The following CDK9 variants were observed in gnomAD, a reference collection of about 807,000 sequenced individuals.
The protein encoded by CDK9 is cyclin dependent kinase 9.
In CDK9, 34 loss-of-function variants were observed where a neutral mutation model predicts 39.0. That is an observed-to-expected ratio of 0.87 (90% confidence interval 0.66 to 1.16). The LOEUF (loss-of-function observed/expected upper bound fraction) is 1.16, where lower values mean the gene tolerates loss of function less well. CDK9 is among the 50% of genes most tolerant of loss of function. The probability of loss-of-function intolerance (pLI) is 0.00; values close to 1 mark genes in which losing one functional copy is unlikely to be tolerated. For synonymous variants in CDK9, 233 were observed against 196.2 expected (o/e 1.19, Z -1.57); for missense variants, 369 against 503.2 (o/e 0.73, Z 2.55).
rs768949456 is a variant in CDK9, at chr9:127,789,303, C to T, written c.879C>T (p.Asp293=). 6.2e-7 allele frequency: 1 copy of T among 1,614,002 alleles called. No homozygotes were observed. Among genetic ancestry groups the T allele is most frequent in the South Asian group, 1.1e-5 (1 of 91,086 alleles). The change falls in exon 7 of 7, where the codon GAC becomes GAT. Residue 293 remains aspartate (D), a synonymous_variant. Transcript: ENST00000373264. This position sits in a 1 kb window ranked among gnomAD's most constrained non-coding sequence, Gnocchi z 5.2. ...ACCCATACGCACTGGACCTCATCGA[C>T]AAGCTGCTGGTGCTGGACCCTGCCC... is the stretch of plus-strand genomic sequence containing the variant. ...VRDPYALDLI[D]KLLVLDPAQR...
chr9:127,786,568 C>T, intron 1 of CDK9, 133 bp from the exon 2 acceptor site: 1 of 748,196 alleles, frequency 1.3e-6, no homozygotes, highest in South Asian at 1.8e-5. Flanking sequence ...GGCGGGGTAG[C>T]CGCGTGCCCT....
rs183267477 is a variant in CDK9 at position 127,786,954 on chromosome 9, G to A, written c.174+172G>A. 3.4e-3 allele frequency among the ~76,000 whole-genome samples: 517 copies of A among 152,294 alleles called. 3 individuals carry two copies. The highest frequency in any genetic ancestry group is 0.014 in the Middle Eastern group (4 of 294). On this transcript the variant is annotated intron_variant, in intron 2 of 6. Coordinates refer to ENST00000373264, the MANE Select transcript of CDK9 (RefSeq NM_001261.4). ...CTAAAACTAAATGTTTCATTCTTAG[G>A]CAGTTATGGGTGAGGCCAGGAGGGG...
At chr9:127,786,285 C>A in intron 1 of CDK9, 45 bp downstream of exon 1, 1 of 1,486,304 alleles carries the variant, frequency 6.7e-7, no homozygotes, top group South Asian at 1.2e-5. Context: ...GCCTGCACCC[C>A]TAGGGCCGAC....
In CDK9 at chr9:127,789,231, G is replaced by A; in HGVS notation, c.807G>A (p.Lys269=). 6.2e-7 allele frequency: 1 copy of A among 1,610,488 alleles called. No individual in the cohort carries two copies. The highest frequency in any genetic ancestry group is 8.5e-7 in the Non-Finnish European group (1 of 1,177,396). The change falls in exon 7 of 7, where the codon AAG becomes AAA. Residue 269 remains lysine, a synonymous_variant. Transcript: ENST00000373264. This position sits in a 1 kb window ranked among gnomAD's most constrained non-coding sequence, Gnocchi z 5.2. Reference sequence around the variant, plus strand: ...TGTACGAAAAGCTGGAGCTGGTCAAGGGCCAGAAGCGGAAGGTGAAGGACA... The same window carrying A: ...TGTACGAAAAGCTGGAGCTGGTCAAAGGCCAGAAGCGGAAGGTGAAGGACA... ...YELYEKLELV[K]GQKRKVKDRL...
chr9:127,787,132 A>G (rs1408995920), intron 2 of CDK9, among the ~76,000 whole-genome samples: 3 of 152,212 alleles, frequency 2.0e-5, no homozygotes, highest in African/African-American at 4.8e-5. Flanking sequence ...TAATGTATTT[A>G]AAAGGAGCGG....
Position 127,789,752 on chromosome 9 carries a change from T to G in CDK9, c.*209T>G, listed in dbSNP as rs527601379. ...CTGGAGCTGTCTTGTCCTTGCTGGT[T>G]TTCTGGATGGTTCCCAGAGGGTTTC... On this transcript the variant is annotated 3_prime_UTR_variant, in exon 7 of 7. Coordinates refer to ENST00000373264, the MANE Select transcript of CDK9 (RefSeq NM_001261.4). The surrounding 1 kb of genome is among the most constrained non-coding windows in gnomAD (Gnocchi z 5.2). The G allele has an allele frequency of 1.0e-4, 69 of 663,580 alleles. No homozygotes were observed. Among genetic ancestry groups the G allele is most frequent in the Non-Finnish European group, 1.5e-4 (61 of 402,582 alleles). The allele number at this position is 663,580 out of a possible 1,614,324, so 41.1% of individuals were successfully genotyped here. A position where few individuals can be genotyped will look rare whatever the true frequency, so the allele number is the denominator to read the frequency against.
At chr9:127,787,692 G>A (rs1233181057) in intron 3 of CDK9, 84 bp downstream of exon 3, 3 of 1,066,348 alleles carry the variant, frequency 2.8e-6, no homozygotes, top group East Asian at 2.4e-5. Flanking sequence ...CACCTAAACT[G>A]CCTCTTCTTA....
rs1337733475 is a variant in CDK9 at position 127,789,608 on chromosome 9, A to T, written c.*65A>T. On this transcript the variant is annotated 3_prime_UTR_variant, in exon 7 of 7. Coordinates refer to ENST00000373264, the MANE Select transcript of CDK9 (RefSeq NM_001261.4). This position sits in a 1 kb window ranked among gnomAD's most constrained non-coding sequence, Gnocchi z 5.2. ...TTCTGCTATGTGACTTGCATCGTGG[A>T]GACAGGGCATTTGAGTTTATATCTC... 1 of 1,559,298 alleles carries T rather than the reference A, an allele frequency of 6.4e-7. No homozygotes were observed. The highest frequency in any genetic ancestry group is 2.2e-5 in the East Asian group (1 of 44,508).
intron 2 of CDK9, among the ~76,000 whole-genome samples, chr9:127,787,271 T>A (rs1057323198): frequency 2.0e-5 from 3 of 150,774 alleles, no homozygotes; most frequent in Non-Finnish European, 2.9e-5. Flanking sequence ...AGCTGAAATT[T>A]GAAGACTGAA....
Position 127,788,647 on chromosome 9 carries a change from C to T in CDK9, c.708C>T (p.His236=). The change falls in exon 6 of 7, where the codon CAC becomes CAT. Residue 236 remains histidine (H), a synonymous_variant. Transcript: ENST00000373264. ...SPIMQGNTEQ[H]QLALISQLCG... ...TCATGCAGGGCAACACGGAGCAGCA[C>T]CAACTCGCCCTCATCAGTCAGCTCT... The T allele has an allele frequency of 6.2e-7, 1 of 1,611,912 alleles. No homozygotes were observed. Among genetic ancestry groups the T allele is most frequent in the Middle Eastern group, 1.7e-4 (1 of 6,048 alleles).
In CDK9 at chr9:127,789,911, C is replaced by T. The variant is rs577501513; in HGVS notation, c.*368C>T. 3.0e-5 allele frequency: 7 copies of T among 232,420 alleles called. No individual in the cohort carries two copies. The highest frequency in any genetic ancestry group is 9.2e-5 in the African/African-American group (4 of 43,712). The allele number at this position is 232,420 out of a possible 1,614,324, so 14.4% of individuals were successfully genotyped here. On this transcript the variant is annotated 3_prime_UTR_variant, in exon 7 of 7. Coordinates refer to ENST00000373264, the MANE Select transcript of CDK9 (RefSeq NM_001261.4). This position sits in a 1 kb window ranked among gnomAD's most constrained non-coding sequence, Gnocchi z 5.2. The stretch of plus-strand genomic sequence containing the variant: ...GAGAACCCTGCGTGGGGACAGGGCT[C>T]GCCTCAGGAATGGGCTGTTTTTGGC...
chr9:127,786,186 G>A lies in CDK9; in HGVS notation c.38G>A (p.Cys13Tyr). Reference protein sequence around the residue: ...KQYDSVECPFCDEVSKYEKLA... With the variant: ...KQYDSVECPFYDEVSKYEKLA... Reference sequence around the variant, plus strand: ...TACGACTCGGTGGAGTGCCCTTTTTGTGATGAAGTTTCCAAATACGAGAAG... The same window carrying A: ...TACGACTCGGTGGAGTGCCCTTTTTATGATGAAGTTTCCAAATACGAGAAG... Residue 13 changes from cysteine (C) to tyrosine (Y), a missense_variant, in exon 1 of 7, where the codon TGT becomes TAT. Transcript: ENST00000373264. 6.2e-7 allele frequency: 1 copy of A among 1,609,992 alleles called. No homozygotes were observed. The highest frequency in any genetic ancestry group is 2.2e-5 in the East Asian group (1 of 44,572).
In CDK9 at chr9:127,789,287, C is replaced by A; in HGVS notation, c.863C>A (p.Ala288Glu). Residue 288 changes from alanine to glutamate, a missense_variant, in exon 7 of 7, where the codon GCA becomes GAA. Ala to Glu is a moderately radical substitution (Grantham distance 107). Coordinates refer to ENST00000373264, the MANE Select transcript of CDK9 (RefSeq NM_001261.4). This position sits in a 1 kb window ranked among gnomAD's most constrained non-coding sequence, Gnocchi z 5.2. ...RLKAYVRDPY[A>E]LDLIDKLLVL... ...AAGGCCTATGTGCGTGACCCATACGCACTGGACCTCATCGACAAGCTGCTG... is the reference window on the plus strand; with the variant it reads ...AAGGCCTATGTGCGTGACCCATACGAACTGGACCTCATCGACAAGCTGCTG... 2.5e-6 allele frequency: 4 copies of A among 1,613,982 alleles called. No individual in the cohort carries two copies. Among genetic ancestry groups the A allele is most frequent in the Non-Finnish European group, 3.4e-6 (4 of 1,180,046 alleles).
chr9:127,786,295 C>T (rs1053054981), intron 1 of CDK9, 55 bp downstream of exon 1: 3 of 1,399,090 alleles, frequency 2.1e-6, no homozygotes, highest in Admixed American at 2.0e-5. Flanking sequence ...CTAGGGCCGA[C>T]GTCGGGATGC....
rs995853083 is a variant in CDK9 at position 127,789,637 on chromosome 9, T to C, written c.*94T>C. 20 of 1,475,438 alleles carry C rather than the reference T, an allele frequency of 1.4e-5. No homozygotes were observed. Among genetic ancestry groups the C allele is most frequent in the African/African-American group, 2.8e-5 (2 of 71,098 alleles). The allele number at this position is 1,475,438 out of a possible 1,614,324, so 91.4% of individuals were successfully genotyped here. A position where few individuals can be genotyped will look rare whatever the true frequency, so the allele number is the denominator to read the frequency against. ...AGGGCATTTGAGTTTATATCTCTCATGCATATTTTATTTAATCCCCACCCT... is the reference window on the plus strand; with the variant it reads ...AGGGCATTTGAGTTTATATCTCTCACGCATATTTTATTTAATCCCCACCCT... On this transcript the variant is annotated 3_prime_UTR_variant, in exon 7 of 7. Transcript: ENST00000373264. This position sits in a 1 kb window ranked among gnomAD's most constrained non-coding sequence, Gnocchi z 5.2.
At chr9:127,787,925 C>T (rs1300836909) in intron 3 of CDK9, 22 bp from the exon 4 acceptor site, 5 of 1,612,084 alleles carry the variant, frequency 3.1e-6, no homozygotes, top group African/African-American at 1.3e-5. Flanking sequence ...TTGACTTTTT[C>T]TTCTTTCTAT....
chr9:127,786,448 C>T (rs1829320504), intron 1 of CDK9, among the ~76,000 whole-genome samples: 1 of 152,200 alleles, frequency 6.6e-6, no homozygotes, highest in Non-Finnish European at 1.5e-5. Context: ...CGGGGAGGGG[C>T]TGCAGAGAGG....
At position 127,786,698 on chromosome 9, in the gene CDK9, C is replaced by T; in HGVS notation, c.93-3C>T. On this transcript the variant is annotated splice_region_variant and splice_polypyrimidine_tract_variant and intron_variant, in intron 1 of 6. Coordinates refer to ENST00000373264, the MANE Select transcript of CDK9 (RefSeq NM_001261.4). Reference sequence around the variant, plus strand: ...GTTCTCGGGTCTCCCTTTCCGCCTGCAGGGAGGTGTTCAAGGCCAGGCACC... The same window carrying T: ...GTTCTCGGGTCTCCCTTTCCGCCTGTAGGGAGGTGTTCAAGGCCAGGCACC... 3.7e-6 allele frequency: 6 copies of T among 1,613,186 alleles called. No homozygotes were observed. The highest frequency in any genetic ancestry group is 4.2e-6 in the Non-Finnish European group (5 of 1,179,550).
At position 127,789,992 on chromosome 9, in the gene CDK9, A is replaced by G. The variant is rs1376356734; in HGVS notation, c.*449A>G. 2 of 160,496 alleles carry G rather than the reference A, an allele frequency of 1.2e-5. No individual in the cohort carries two copies. Among genetic ancestry groups the G allele is most frequent in the African/African-American group, 4.8e-5 (2 of 41,564 alleles). 9.9% of individuals were successfully genotyped at this position (160,496 alleles called of 1,614,324 possible). On this transcript the variant is annotated 3_prime_UTR_variant, in exon 7 of 7. Transcript: ENST00000373264. This position sits in a 1 kb window ranked among gnomAD's most constrained non-coding sequence, Gnocchi z 5.2. Reference sequence around the variant, plus strand: ...AACTCTTGGTTTCTTCAACAGGAGAATTTTACTGTGTTTCTTTTGGTTCCA... The same window carrying G: ...AACTCTTGGTTTCTTCAACAGGAGAGTTTTACTGTGTTTCTTTTGGTTCCA...
Sources: allele counts gnomAD v4.1 joint callset (sites outside exome capture counted in the v4.1 genomes callset), GRCh38; gene constraint gnomAD v4.1.1; non-coding constraint Gnocchi (gnomAD v3.1); transcripts MANE v1.5; gene names NCBI Gene and HGNC (gene_info 2026-07-23, HGNC 2026-07-21).